Variants in PDHA1 observed in about 807,000 individuals in gnomAD.
The protein encoded by PDHA1 is pyruvate dehydrogenase E1 subunit alpha 1, also known as pyruvate dehydrogenase E1 component subunit alpha, somatic form, mitochondrial.
PDHA1 carries 1 observed loss-of-function variant against 33.0 expected under a neutral mutation model. The ratio of observed to expected loss-of-function variants is 0.03; its 90% CI spans 0.01 to 0.14. The LOEUF (loss-of-function observed/expected upper bound fraction) is 0.14. Among genes scored for constraint, PDHA1 ranks in the 10% least tolerant of loss-of-function variants. The pLI is 1.00. For missense variants in PDHA1, 168 were observed against 325.1 expected, an observed-to-expected ratio of 0.52 and a Z score of 3.72; for synonymous variants, 123 against 119.2, an observed-to-expected ratio of 1.03 and a Z score of -0.21.
At chrX:19,347,624 C>T (rs893858448) in intron 1 of PDHA1, among the ~76,000 whole-genome samples, 1 of 112,517 alleles carries the variant, frequency 8.9e-6, no homozygotes, top group Non-Finnish European at 1.9e-5. Flanking sequence ...CTGGTTTGGA[C>T]TCCTGCCTTC....
rs1392866750 is a variant in PDHA1, at chrX:19,359,760, A to T, written c.*107A>T. On this transcript the variant is annotated 3_prime_UTR_variant, in exon 11 of 11. Coordinates refer to ENST00000422285, the MANE Select transcript of PDHA1 (RefSeq NM_000284.4). The stretch of plus-strand genomic sequence containing the variant: ...CAATGAAATTCAATGAAATTCTTGG[A>T]AACTTCCATTAAGTGTGTAGATTGA... 1 of 751,125 alleles carries T rather than the reference A, an allele frequency of 1.3e-6. No individual in the cohort carries two copies. The highest frequency in any genetic ancestry group is 2.0e-6 in the Non-Finnish European group (1 of 492,775). The allele number at this position is 751,125 out of a possible 1,213,427, so 61.9% of individuals were successfully genotyped here. A position where few individuals can be genotyped will look rare whatever the true frequency, so the allele number is the denominator to read the frequency against.
rs1451216236 is a variant in PDHA1 at position 19,360,550 on chromosome X, A to ATACACAC, written c.*898_*904dup. On this transcript the variant is annotated 3_prime_UTR_variant, in exon 11 of 11. Transcript: ENST00000422285. ...AAAACCAAGGCTCACTGTTTTCACA[A>ATACACAC]TACACACAGTTCTATGTTTATAAAT... is the stretch of plus-strand genomic sequence containing the variant. 2.7e-6 allele frequency: 1 copy of ATACACAC among 365,826 alleles called. No homozygotes were observed. Among genetic ancestry groups the ATACACAC allele is most frequent in the Non-Finnish European group, 4.7e-6 (1 of 211,106 alleles). The allele number at this position is 365,826 out of a possible 1,213,427, so 30.1% of individuals were successfully genotyped here.
chrX:19,358,343 A>G (rs978535911), intron 9 of PDHA1, among the ~76,000 whole-genome samples: 12 of 111,972 alleles, frequency 1.1e-4, no homozygotes, highest in African/African-American at 3.9e-4. Flanking sequence ...GTGTAAATCT[A>G]TTGTTGAAAA....
At chrX:19,350,613 G>A (rs1351765150) in intron 3 of PDHA1, among the ~76,000 whole-genome samples, 1 of 112,589 alleles carries the variant, frequency 8.9e-6, no homozygotes, top group African/African-American at 3.2e-5. Flanking sequence ...AACCTGCTAT[G>A]AAGCTTAGGC....
At position 19,360,609 on chromosome X, in the gene PDHA1, A is replaced by AAAG. The variant is rs772075136; in HGVS notation, c.*958_*959insGAA. The AAAG allele has an allele frequency of 4.5e-4, 216 of 477,057 alleles. 3 individuals are homozygous for AAAG. The South Asian group carries it at 6.6e-3, about 15-fold the overall frequency. The allele number at this position is 477,057 out of a possible 1,213,427, so 39.3% of individuals were successfully genotyped here. On this transcript the variant is annotated 3_prime_UTR_variant, in exon 11 of 11. Transcript: ENST00000422285. The stretch of plus-strand genomic sequence containing the variant: ...TCAAAAGAAACTCAGGACAGTATTT[A>AAAG]AAACAAGTTCTTAAACTATTAATTG...
chrX:19,357,436 G>A (rs1364177607), intron 8 of PDHA1: 3 of 444,973 alleles, frequency 6.7e-6, no homozygotes, highest in East Asian at 7.7e-5. Context: ...TTGGCAGATT[G>A]CCTTATTAAA....
chrX:19,349,845 A>G (rs1344976171), intron 2 of PDHA1, 92 bp from the exon 3 acceptor site: 1 of 723,227 alleles, frequency 1.4e-6, no homozygotes, highest in African/African-American at 2.1e-5. Context: ...TTTCAAGTTC[A>G]ATATTATTTG....
rs149083818 is a variant in PDHA1, at chrX:19,349,989, C to T, written c.170C>T (p.Thr57Ile). ...GGCCCTCCTGTCACAACAGTGCTCA[C>T]CAGGGAGGATGGGCTCAAATACTAC... ...EEGPPVTTVL[T>I]REDGLKYYRM... Residue 57 changes from threonine (T) to isoleucine (I), a missense_variant, in exon 3 of 11, where the codon ACC (threonine) becomes ATC (isoleucine). By Grantham distance (89) the Thr-to-Ile change is moderately conservative. Coordinates refer to ENST00000422285, the MANE Select transcript of PDHA1 (RefSeq NM_000284.4). The T allele has an allele frequency of 1.7e-6, 2 of 1,203,210 alleles. No individual in the cohort carries two copies. The highest frequency in any genetic ancestry group is 3.0e-5 in the East Asian group (1 of 33,775).
intron 1 of PDHA1, among the ~76,000 whole-genome samples, chrX:19,347,658 G>A (rs1406687478): frequency 8.9e-6 from 1 of 112,743 alleles, no homozygotes; most frequent in Non-Finnish European, 1.9e-5. Flanking sequence ...TTCTGTAGTT[G>A]TATTTGGAAA....
chrX:19,345,574 A>T (rs1055711645), intron 1 of PDHA1, among the ~76,000 whole-genome samples: 3,343 of 12,051 alleles, frequency 0.28, 238 homozygotes, highest in African/African-American at 0.35. Flanking sequence ...CCGTATTTTA[A>T]AAAAAAAAAA....
At chrX:19,346,035 T>C (rs1379384890) in intron 1 of PDHA1, among the ~76,000 whole-genome samples, 1 of 112,406 alleles carries the variant, frequency 8.9e-6, no homozygotes, top group African/African-American at 3.2e-5. Flanking sequence ...TTTACTTAAC[T>C]ATAAGTAACA....
In PDHA1 at chrX:19,359,019, C is replaced by CTAAAGGTACAGTCACTTG. The variant is rs746059488; in HGVS notation, c.1005_1008+14dup. Reference sequence around the variant, plus strand: ...CAGCAATCTTGCCAGTGTGGAAGAACTAAAGGTACAGTCACTTGTTCATGG... The same window carrying CTAAAGGTACAGTCACTTG: ...CAGCAATCTTGCCAGTGTGGAAGAACTAAAGGTACAGTCACTTGTAAAGGTACAGTCACTTGTTCATGG... On this transcript the variant is annotated inframe_insertion, in exon 10 of 11. Transcript: ENST00000422285. 1.8e-6 allele frequency: 2 copies of CTAAAGGTACAGTCACTTG among 1,134,367 alleles called. No homozygotes were observed. The highest frequency in any genetic ancestry group is 2.4e-6 in the Non-Finnish European group (2 of 824,987). The allele number at this position is 1,134,367 out of a possible 1,213,427, so 93.5% of individuals were successfully genotyped here. A position where few individuals can be genotyped will look rare whatever the true frequency, so the allele number is the denominator to read the frequency against.
chrX:19,345,430 C>A (rs1229853893), intron 1 of PDHA1, among the ~76,000 whole-genome samples: 3 of 108,689 alleles, frequency 2.8e-5, no homozygotes, highest in Admixed American at 9.9e-5. Flanking sequence ...ATTAGCCGGT[C>A]GTGGTGGCGG....
chrX:19,344,100 A>T lies in PDHA1; in HGVS notation c.57+6A>T, dbSNP rs375415868. On this transcript the variant is annotated splice_donor_region_variant and intron_variant, in intron 1 of 10. Transcript: ENST00000422285. ...CTGGCGCTTCTCAGAAGCCGGTGAG[A>T]CCTCCCGGGCGGGCCGGGATGGGGC... is the stretch of plus-strand genomic sequence containing the variant. 2.6e-5 allele frequency: 31 copies of T among 1,195,679 alleles called. No individual in the cohort carries two copies. In the African/African-American group the frequency reaches 3.2e-4, roughly 12 times the overall value.
chrX:19,344,938 G>A (rs1455361191), intron 1 of PDHA1, among the ~76,000 whole-genome samples: 1 of 111,901 alleles, frequency 8.9e-6, no homozygotes, highest in African/African-American at 3.3e-5. Flanking sequence ...TTTCTTGGCA[G>A]TGAGTTCAGG....
intron 8 of PDHA1, among the ~76,000 whole-genome samples, chrX:19,356,926 T>C (rs2063204642): frequency 9.0e-6 from 1 of 111,572 alleles, no homozygotes; most frequent in African/African-American, 3.3e-5. Context: ...AGTGGGCTAG[T>C]GTAGAATGAG....
At chrX:19,358,435 C>T (rs1414690747) in intron 9 of PDHA1, among the ~76,000 whole-genome samples, 1 of 111,596 alleles carries the variant, frequency 9.0e-6, no homozygotes, top group Non-Finnish European at 1.9e-5. Flanking sequence ...TTTAGGGGGA[C>T]TTAAGGGAGA....
chrX:19,359,059 G>T, intron 10 of PDHA1, 35 bp downstream of exon 10: 1 of 960,896 alleles, frequency 1.0e-6, no homozygotes, highest in Non-Finnish European at 1.5e-6. Flanking sequence ...TTGAAGGTTG[G>T]CTTTAAAAGT....
chrX:19,358,833 A>C (rs1415342986), intron 9 of PDHA1, 83 bp from the exon 10 acceptor site: 9 of 583,764 alleles, frequency 1.5e-5, no homozygotes, highest in Non-Finnish European at 2.8e-5. Flanking sequence ...GGACAATCCA[A>C]CCCCATATCA....
Sources: allele counts gnomAD v4.1 joint callset (sites outside exome capture counted in the v4.1 genomes callset), GRCh38; gene constraint gnomAD v4.1.1; transcripts MANE v1.5; gene names NCBI Gene and HGNC (gene_info 2026-07-23, HGNC 2026-07-21).